KCNN3: variants seen among roughly 807,000 people sequenced by gnomAD.
KCNN3 encodes the protein small conductance calcium-activated potassium channel protein 3.
A neutral mutation model predicts 62.9 loss-of-function variants in KCNN3; 16 were observed. The ratio of observed to expected loss-of-function variants is 0.25; its 90% CI spans 0.17 to 0.39. KCNN3 has a LOEUF of 0.39. KCNN3 is among the 10% of genes least tolerant of loss of function. The pLI, the probability that KCNN3 is intolerant of heterozygous loss-of-function variation, is 1.00. For synonymous variants in KCNN3, 370 were observed against 389.2 expected, an observed-to-expected ratio of 0.95 and a Z score of 0.58; for missense variants, 599 against 949.4, an observed-to-expected ratio of 0.63 and a Z score of 4.85.
Position 154,772,351 on chromosome 1 carries a change from T to C in KCNN3, c.1072A>G (p.Met358Val), listed in dbSNP as rs1557968308. The stretch of plus-strand genomic sequence containing the variant: ...ATGTACAGGATGCGCTCGTAGGTCA[T>C]GGCTATCCGCCAGTCATCCGCGCCA... ...DNGADDWRIA[M>V]TYERILYISL... The change falls in exon 3 of 8, where the codon ATG becomes GTG. Residue 358 changes from methionine (M) to valine (V), a missense_variant. Met to Val is a conservative substitution (Grantham distance 21). This residue lies in a region of KCNN3 where 288 missense variants were observed against 557.4 expected (regional missense o/e 0.52). Transcript: ENST00000271915. This position sits in a 1 kb window ranked among gnomAD's most constrained non-coding sequence, Gnocchi z 5.6. 1.2e-6 allele frequency: 2 copies of C among 1,614,196 alleles called. No homozygotes were observed. The highest frequency in any genetic ancestry group is 8.5e-7 in the Non-Finnish European group (1 of 1,180,026).
intron 2 of KCNN3, among the ~76,000 whole-genome samples, chr1:154,811,539 A>G (rs138806231): frequency 1.3e-5 from 2 of 152,284 alleles, no homozygotes; most frequent in Non-Finnish European, 1.5e-5. Context: ...TGTCTCTCCC[A>G]CCATCATGCT....
chr1:154,804,758 C>T (rs1045289402), intron 2 of KCNN3, among the ~76,000 whole-genome samples: 31 of 152,044 alleles, frequency 2.0e-4, no homozygotes, highest in African/African-American at 7.3e-4. Context: ...CCCTAGGTAA[C>T]GGCTATTCTG....
chr1:154,806,378 G>T (rs570764597), intron 2 of KCNN3, among the ~76,000 whole-genome samples: 8 of 152,346 alleles, frequency 5.3e-5, no homozygotes, highest in Admixed American at 3.9e-4. Flanking sequence ...TCTTGTTTGT[G>T]CCAGGCCCTG....
intron 1 of KCNN3, 28 bp from the exon 2 acceptor site, chr1:154,822,212 A>G (rs1650928392): frequency 6.6e-7 from 1 of 1,515,550 alleles, no homozygotes; most frequent in Non-Finnish European, 9.2e-7. Context: ...AGAGAGAATT[A>G]GGGAGTGCGG....
chr1:154,707,883 G>A lies in KCNN3; in HGVS notation c.*93C>T. ...TCGGTCTCTCTTCTTTCCGTTCCCTGGTCTGAATGTTTCTTGATGGCAAAG... is the reference window on the plus strand; with the variant it reads ...TCGGTCTCTCTTCTTTCCGTTCCCTAGTCTGAATGTTTCTTGATGGCAAAG... On this transcript the variant is annotated 3_prime_UTR_variant, in exon 8 of 8. Transcript: ENST00000271915. 1.5e-6 allele frequency: 2 copies of A among 1,371,004 alleles called. No individual in the cohort carries two copies. Among genetic ancestry groups the A allele is most frequent in the Non-Finnish European group, 2.0e-6 (2 of 992,064 alleles). 84.9% of individuals were successfully genotyped at this position (1,371,004 alleles called of 1,614,324 possible).
intron 3 of KCNN3, among the ~76,000 whole-genome samples, chr1:154,746,076 ACT>A (rs1267000033): frequency 1.3e-5 from 2 of 151,972 alleles, no homozygotes; most frequent in African/African-American, 2.4e-5. Context: ...AAAATATAAA[ACT>A]CTGCATAGTG....
intron 2 of KCNN3, among the ~76,000 whole-genome samples, chr1:154,803,946 A>G (rs78100213): frequency 0.056 from 8,529 of 152,236 alleles, 262 homozygotes; most frequent in Non-Finnish European, 0.072. Flanking sequence ...ACATTTTCCA[A>G]TCCCTGCCTG....
At chr1:154,810,622 A>G (rs892857762) in intron 2 of KCNN3, among the ~76,000 whole-genome samples, 3 of 152,142 alleles carry the variant, frequency 2.0e-5, no homozygotes, top group Non-Finnish European at 2.9e-5. Context: ...CAGGAGAAGG[A>G]AGGGATTTTA....
chr1:154,847,015 G>C (rs959058464), intron 1 of KCNN3, among the ~76,000 whole-genome samples: 1 of 152,070 alleles, frequency 6.6e-6, no homozygotes, highest in Non-Finnish European at 1.5e-5. Context: ...GCCAGGAGTT[G>C]AGCCGGCTCC....
At chr1:154,850,302 C>T (rs888696480) in intron 1 of KCNN3, among the ~76,000 whole-genome samples, 2 of 152,238 alleles carry the variant, frequency 1.3e-5, no homozygotes, top group Non-Finnish European at 2.9e-5. Context: ...TGAAGTCCTG[C>T]AACCAACAAG....
chr1:154,796,558 A>T (rs761561191), intron 2 of KCNN3, among the ~76,000 whole-genome samples: 1 of 152,250 alleles, frequency 6.6e-6, no homozygotes, highest in Non-Finnish European at 1.5e-5. Flanking sequence ...GGACTGCCCA[A>T]GTTACAATTC....
intron 3 of KCNN3, among the ~76,000 whole-genome samples, chr1:154,760,246 G>A (rs1481216915): frequency 6.6e-6 from 1 of 151,804 alleles, no homozygotes; most frequent in Admixed American, 6.6e-5. Context: ...GCTAAGTCAT[G>A]TATAATTATT....
chr1:154,866,554 C>A (rs1007973879), intron 1 of KCNN3, among the ~76,000 whole-genome samples: 17 of 152,308 alleles, frequency 1.1e-4, no homozygotes, highest in African/African-American at 3.4e-4. Context: ...CTTGGCCCTG[C>A]AGTGTGTACA....
chr1:154,795,357 C>A (rs1777931), intron 2 of KCNN3, among the ~76,000 whole-genome samples: 1 of 152,058 alleles, frequency 6.6e-6, no homozygotes, highest in Admixed American at 6.5e-5. Flanking sequence ...AACATAAGAG[C>A]ACACACAGGG....
Position 154,746,360 on chromosome 1 carries a change from G to T in KCNN3, c.1449-13216C>A, listed in dbSNP as rs561840334. 2.8e-3 allele frequency among the ~76,000 whole-genome samples: 422 copies of T among 152,268 alleles called. 2 individuals carry two copies. Among genetic ancestry groups the T allele is most frequent in the African/African-American group, 9.6e-3 (400 of 41,550 alleles). Reference sequence around the variant, plus strand: ...GACAGTGCTGCGGGTGGAGTGGCAGGCTCAGGAGAAGGCTGAGGTGAGTTG... The same window carrying T: ...GACAGTGCTGCGGGTGGAGTGGCAGTCTCAGGAGAAGGCTGAGGTGAGTTG... On this transcript the variant is annotated intron_variant, in intron 3 of 7. Transcript: ENST00000271915.
At chr1:154,800,054 C>G (rs116747563) in intron 2 of KCNN3, among the ~76,000 whole-genome samples, 2 of 152,312 alleles carry the variant, frequency 1.3e-5, no homozygotes, top group East Asian at 3.9e-4. Flanking sequence ...GAAACAGCCT[C>G]GTTGAACTGT....
chr1:154,713,366 G>A, intron 7 of KCNN3, 98 bp downstream of exon 7: 3 of 951,486 alleles, frequency 3.2e-6, no homozygotes, highest in Non-Finnish European at 3.4e-6. Flanking sequence ...GCCTGGTCCC[G>A]CGCTGTCCAG....
intron 1 of KCNN3, among the ~76,000 whole-genome samples, chr1:154,842,485 C>T (rs1015218772): frequency 6.6e-6 from 1 of 152,138 alleles, no homozygotes; most frequent in Admixed American, 6.5e-5. Context: ...TGGTCGCACC[C>T]CAAAAGTGGG....
intron 2 of KCNN3, among the ~76,000 whole-genome samples, chr1:154,810,142 T>G (rs114619286): frequency 6.6e-6 from 1 of 152,138 alleles, no homozygotes; most frequent in Non-Finnish European, 1.5e-5. Context: ...GGAAGGCTGC[T>G]GGCACCTTAC....
Sources: gnomAD v4.1 joint callset for allele counts (sites outside exome capture counted in the v4.1 genomes callset) on GRCh38, gnomAD v4.1.1 for gene constraint, gnomAD v4.1.1 regional missense constraint, Gnocchi (gnomAD v3.1) non-coding constraint, MANE v1.5 for transcripts, NCBI Gene and HGNC (gene_info 2026-07-23, HGNC 2026-07-21) for gene names.